RASSF8: variants seen among roughly 807,000 people sequenced by gnomAD.
RASSF8 encodes the protein Ras association domain family member 8, also known as ras association domain-containing protein 8.
In RASSF8, 22 loss-of-function variants were observed where a neutral mutation model predicts 48.5. That is an observed-to-expected ratio of 0.45 (90% CI 0.32 to 0.65). The LOEUF (loss-of-function observed/expected upper bound fraction) is 0.65. Among genes scored for constraint, RASSF8 ranks in the 30% least tolerant of loss-of-function variants. The pLI, the probability that RASSF8 is intolerant of heterozygous loss-of-function variation, is 0.03. For synonymous variants in RASSF8, 127 were observed against 171.5 expected, an observed-to-expected ratio of 0.74 and a Z score of 2.03; for missense variants, 418 against 489.2, an observed-to-expected ratio of 0.85 and a Z score of 1.37.
chr12:26,066,700 T>TC (rs1943883161), intron 4 of RASSF8, among the ~76,000 whole-genome samples: 3 of 152,302 alleles, frequency 2.0e-5, no homozygotes, highest in African/African-American at 7.2e-5. Context: ...TATTGATATA[T>TC]CCCCAAGTAC....
chr12:25,966,437 T>C (rs2136837645), intron 1 of RASSF8, among the ~76,000 whole-genome samples: 1 of 152,290 alleles, frequency 6.6e-6, no homozygotes, highest in African/African-American at 2.4e-5. Flanking sequence ...CTTGAACTCC[T>C]GGCCTCAAGC....
Position 26,067,819 on chromosome 12 carries a change from C to T in RASSF8, c.1138+106C>T. ...TCACTGTATCGCCCAGGCTGGAATG[C>T]CAGGGGTATTACCACGGCTTACTGC... On this transcript the variant is annotated intron_variant, in intron 5 of 5. Coordinates refer to ENST00000689635, the MANE Select transcript of RASSF8 (RefSeq NM_001394098.1). 7.7e-6 allele frequency: 11 copies of T among 1,436,420 alleles called. No homozygotes were observed. In the South Asian group the frequency reaches 1.2e-4, roughly 15 times the overall value. The allele number at this position is 1,436,420 out of a possible 1,614,324, so 89.0% of individuals were successfully genotyped here. A position where few individuals can be genotyped will look rare whatever the true frequency, so the allele number is the denominator to read the frequency against.
intron 1 of RASSF8, among the ~76,000 whole-genome samples, chr12:25,986,203 G>A (rs1003159392): frequency 6.6e-6 from 1 of 152,082 alleles, no homozygotes; most frequent in Non-Finnish European, 1.5e-5. Context: ...GGATAGGTGT[G>A]GCCTTGATTT....
At chr12:25,990,583 T>C (rs529038902) in intron 1 of RASSF8, among the ~76,000 whole-genome samples, 5 of 152,346 alleles carry the variant, frequency 3.3e-5, no homozygotes, top group Non-Finnish European at 1.5e-5. Flanking sequence ...GATCATCTTA[T>C]TAACATTTCA....
chr12:26,061,811 T>A (rs895919519), intron 3 of RASSF8, among the ~76,000 whole-genome samples: 23 of 152,262 alleles, frequency 1.5e-4, no homozygotes, highest in African/African-American at 5.5e-4. Flanking sequence ...TAAAATCAAA[T>A]CTATTAATTC....
At position 26,002,446 on chromosome 12, in the gene RASSF8, C is replaced by CA. The variant is rs575846367; in HGVS notation, c.-109+7325dup. ...AAACTCCATCTCAAAAACAAACAAA[C>CA]AAAAAAAAACAAATAGAGTTAATAC... On this transcript the variant is annotated intron_variant, in intron 2 of 5. Coordinates refer to ENST00000689635, the MANE Select transcript of RASSF8 (RefSeq NM_001394098.1). 9.4e-3 allele frequency among the ~76,000 whole-genome samples: 1,389 copies of CA among 148,260 alleles called. 18 individuals are homozygous for CA. Among genetic ancestry groups the CA allele is most frequent in the South Asian group, 0.045 (212 of 4,680 alleles).
chr12:26,064,939 A>C lies in RASSF8; in HGVS notation c.545A>C (p.Lys182Thr), dbSNP rs1426624276. 1.9e-6 allele frequency: 3 copies of C among 1,614,040 alleles called. No homozygotes were observed. The highest frequency in any genetic ancestry group is 1.3e-5 in the African/African-American group (1 of 74,950). The change falls in exon 4 of 6, where the codon AAA becomes ACA. Residue 182 changes from lysine to threonine, a missense_variant. Transcript: ENST00000689635. ...LQTEKLQSIE[K>T]QLESNEIEIR... ...ACAGAGAAGCTTCAATCCATTGAGAAACAGCTGGAATCTAATGAAATAGAA... is the reference window on the plus strand; with the variant it reads ...ACAGAGAAGCTTCAATCCATTGAGACACAGCTGGAATCTAATGAAATAGAA...
chr12:26,001,554 T>A (rs1450092483), intron 2 of RASSF8, among the ~76,000 whole-genome samples: 2 of 152,330 alleles, frequency 1.3e-5, no homozygotes, highest in African/African-American at 4.8e-5. Flanking sequence ...TTTCTATTTT[T>A]AAAATTATTT....
At chr12:26,032,493 C>T (rs572327075) in intron 2 of RASSF8, among the ~76,000 whole-genome samples, 3 of 152,158 alleles carry the variant, frequency 2.0e-5, no homozygotes, top group African/African-American at 7.2e-5. Flanking sequence ...TCAAAGGTTC[C>T]CTTGTGACAT....
chr12:26,058,587 C>T (rs74071687), intron 3 of RASSF8, among the ~76,000 whole-genome samples: 226 of 152,162 alleles, frequency 1.5e-3, no homozygotes, highest in African/African-American at 5.2e-3. Flanking sequence ...TTAGGAGTTA[C>T]AGGTTTTTTT....
chr12:26,068,727 G>C lies in RASSF8; in HGVS notation c.1169G>C (p.Arg390Pro). ...CCATTCCAGTCTGGGTCCCTGAAGC[G>C]ACCTGGTTCATCTCGGCAGCTCCCC... ...EAPFQSGSLK[R>P]PGSSRQLPSN... Residue 390 changes from arginine (R) to proline (P), a missense_variant, in exon 6 of 6, where the codon CGA becomes CCA. Arg to Pro is a moderately radical substitution (Grantham distance 103). Transcript: ENST00000689635. 3 of 1,537,304 alleles carry C rather than the reference G, an allele frequency of 2.0e-6. No homozygotes were observed. The highest frequency in any genetic ancestry group is 2.6e-6 in the Non-Finnish European group (3 of 1,146,900).
chr12:25,988,579 T>G (rs1465018844), intron 1 of RASSF8, among the ~76,000 whole-genome samples: 1 of 152,164 alleles, frequency 6.6e-6, no homozygotes, highest in Middle Eastern at 3.2e-3. Context: ...TTTCTTTCAT[T>G]TAGAAAATAG....
chr12:26,033,957 C>T (rs959259315), intron 2 of RASSF8, among the ~76,000 whole-genome samples: 2 of 152,004 alleles, frequency 1.3e-5, no homozygotes, highest in Non-Finnish European at 2.9e-5. Context: ...GTTGTATGTG[C>T]CTAGCAAAGA....
At chr12:26,073,957 T>A (rs1055242120), downstream of RASSF8, among the ~76,000 whole-genome samples, 1 of 150,878 alleles carries the variant, frequency 6.6e-6, no homozygotes, top group African/African-American at 2.5e-5. Context: ...CATCTATATA[T>A]ATAGAGAGAG....
chr12:26,009,901 A>G (rs965539851), intron 2 of RASSF8, among the ~76,000 whole-genome samples: 1 of 152,242 alleles, frequency 6.6e-6, no homozygotes, highest in Non-Finnish European at 1.5e-5. Context: ...TTGCTGCAAA[A>G]GGAAAGTAAT....
At chr12:26,030,573 A>G (rs981280201) in intron 2 of RASSF8, among the ~76,000 whole-genome samples, 3 of 152,238 alleles carry the variant, frequency 2.0e-5, no homozygotes, top group African/African-American at 7.2e-5. Context: ...TGCCATAGTA[A>G]AAATGCTGAG....
intron 2 of RASSF8, among the ~76,000 whole-genome samples, chr12:26,043,272 A>C (rs567069540): frequency 6.6e-6 from 1 of 152,342 alleles, no homozygotes; most frequent in African/African-American, 2.4e-5. Flanking sequence ...GAAGAATGCA[A>C]AGCATTTACC....
At chr12:25,979,826 CCCT>C (rs1430252861) in intron 1 of RASSF8, among the ~76,000 whole-genome samples, 8 of 149,888 alleles carry the variant, frequency 5.3e-5, no homozygotes, top group Non-Finnish European at 1.2e-4. Context: ...AGAGACAATA[CCCT>C]TGAGCAATTT....
chr12:25,999,825 G>A (rs936929601), intron 2 of RASSF8, among the ~76,000 whole-genome samples: 3 of 152,150 alleles, frequency 2.0e-5, no homozygotes, highest in Non-Finnish European at 4.4e-5. Flanking sequence ...TTAAAAGTAT[G>A]AGGAAAAAAG....
Sources: gnomAD v4.1 joint callset for allele counts (sites outside exome capture counted in the v4.1 genomes callset) on GRCh38, gnomAD v4.1.1 for gene constraint, MANE v1.5 for transcripts, NCBI Gene and HGNC (gene_info 2026-07-23, HGNC 2026-07-21) for gene names.